The following VPS13D variants were observed in gnomAD, a reference collection of about 807,000 sequenced individuals.
VPS13D encodes vacuolar protein sorting 13 homolog D.
A neutral mutation model predicts 461.9 loss-of-function variants in VPS13D; 187 were observed. The ratio of observed to expected loss-of-function variants is 0.40; its 90% CI spans 0.36 to 0.46. The LOEUF (loss-of-function observed/expected upper bound fraction) is 0.46. Among genes scored for constraint, VPS13D ranks in the 20% least tolerant of loss-of-function variants. The pLI is 0.60. For synonymous variants in VPS13D, 1,951 were observed against 1,986.3 expected, an observed-to-expected ratio of 0.98 and a Z score of 0.47; for missense variants, 4,711 against 5,364.9, an observed-to-expected ratio of 0.88 and a Z score of 3.81.
At chr1:12,370,941 G>T (rs1479938644) in intron 54 of VPS13D, among the ~76,000 whole-genome samples, 1 of 152,174 alleles carries the variant, frequency 6.6e-6, no homozygotes, top group East Asian at 1.9e-4. Flanking sequence ...AGCAGAATTA[G>T]AATAATCTTG....
At chr1:12,274,317 G>A (rs1641543757) in intron 18 of VPS13D, among the ~76,000 whole-genome samples, 2 of 152,210 alleles carry the variant, frequency 1.3e-5, no homozygotes, top group South Asian at 4.1e-4. Flanking sequence ...TGGGATTATA[G>A]GCGTGAGCCA....
chr1:12,474,219 T>C (rs1445460173), intron 67 of VPS13D, among the ~76,000 whole-genome samples: 1 of 152,168 alleles, frequency 6.6e-6, no homozygotes, highest in African/African-American at 2.4e-5. Flanking sequence ...CTGTAACAGC[T>C]GATAAACTGT....
chr1:12,312,260 T>A (rs958567189), intron 29 of VPS13D, among the ~76,000 whole-genome samples: 2 of 152,174 alleles, frequency 1.3e-5, no homozygotes, highest in Admixed American at 1.3e-4. Context: ...GCAGCTAGTG[T>A]TTTGATGTGC....
At chr1:12,437,453 C>T (rs1481791631) in intron 65 of VPS13D, among the ~76,000 whole-genome samples, 1 of 152,176 alleles carries the variant, frequency 6.6e-6, no homozygotes, top group East Asian at 1.9e-4. Flanking sequence ...CCCCAAACCA[C>T]ATTTTGGGAA....
At chr1:12,498,592 T>C (rs1645991982) in intron 68 of VPS13D, among the ~76,000 whole-genome samples, 1 of 152,226 alleles carries the variant, frequency 6.6e-6, no homozygotes, top group Non-Finnish European at 1.5e-5. Context: ...AGAAGGTCTC[T>C]TGAAGATGGA....
At chr1:12,318,361 A>G in intron 31 of VPS13D, 24 bp downstream of exon 31, 1 of 1,591,452 alleles carries the variant, frequency 6.3e-7, no homozygotes, top group Non-Finnish European at 8.6e-7. Context: ...GGTGTGATTC[A>G]TTGGTGCTTA....
rs189473805 is a variant in VPS13D, at chr1:12,419,657, G to T, written c.12333+2830G>T. ...TGCTCAATATCATGAACACCAAGGG[G>T]ATGGTACTAATCCATTCATAAGAAA... is the stretch of plus-strand genomic sequence containing the variant. On this transcript the variant is annotated intron_variant, in intron 65 of 69. Coordinates refer to ENST00000620676, the MANE Select transcript of VPS13D (RefSeq NM_015378.4). Among the ~76,000 whole-genome samples, 202 of 152,208 alleles carry T rather than the reference G, an allele frequency of 1.3e-3. 2 individuals are homozygous for T. The highest frequency in any genetic ancestry group is 1.6e-4 in the Non-Finnish European group (11 of 68,006).
chr1:12,396,858 G>A (rs1464051222), intron 60 of VPS13D, among the ~76,000 whole-genome samples: 1 of 152,102 alleles, frequency 6.6e-6, no homozygotes, highest in East Asian at 1.9e-4. Flanking sequence ...ACCTTACAGA[G>A]ACAATTCAAG....
At chr1:12,320,272 T>C (rs997632280) in intron 32 of VPS13D, among the ~76,000 whole-genome samples, 2 of 152,234 alleles carry the variant, frequency 1.3e-5, no homozygotes, top group African/African-American at 2.4e-5. Context: ...AAAAGTGCTT[T>C]GTCTCTTGTT....
At position 12,260,929 on chromosome 1, in the gene VPS13D, T is replaced by C; in HGVS notation, c.1213-19T>C. ...TTTATCTTTGAGTACTCATCTCTGC[T>C]CCTTTGTGATTGACACAGAGTCTGC... On this transcript the variant is annotated intron_variant, in intron 11 of 69. Transcript: ENST00000620676. 6.2e-7 allele frequency: 1 copy of C among 1,614,122 alleles called. No homozygotes were observed. Among genetic ancestry groups the C allele is most frequent in the Non-Finnish European group, 8.5e-7 (1 of 1,179,996 alleles).
At chr1:12,469,526 T>G (rs1344666432) in intron 67 of VPS13D, among the ~76,000 whole-genome samples, 2 of 152,240 alleles carry the variant, frequency 1.3e-5, no homozygotes. Context: ...CTGGTTAATT[T>G]TTTTGACAAG....
chr1:12,267,807 C>G, intron 14 of VPS13D, 38 bp from the exon 15 acceptor site: 9 of 1,593,348 alleles, frequency 5.6e-6, no homozygotes, highest in Non-Finnish European at 7.8e-6. Context: ...TCCCCTCTCA[C>G]GCTGACGTTT....
intron 25 of VPS13D, among the ~76,000 whole-genome samples, chr1:12,304,122 C>T (rs770202900): frequency 3.3e-5 from 5 of 152,172 alleles, no homozygotes; most frequent in Admixed American, 6.5e-5. Flanking sequence ...CAATATGCCC[C>T]TCCCCAAAAG....
chr1:12,483,136 A>G (rs1388803438), intron 67 of VPS13D, among the ~76,000 whole-genome samples: 2 of 152,160 alleles, frequency 1.3e-5, no homozygotes, highest in Non-Finnish European at 2.9e-5. Context: ...AGGGAGTTGA[A>G]ACAATTTGTA....
chr1:12,448,249 A>G (rs1570191498), intron 65 of VPS13D, among the ~76,000 whole-genome samples: 1 of 152,300 alleles, frequency 6.6e-6, no homozygotes, highest in African/African-American at 2.4e-5. Context: ...GAAATAAGTT[A>G]TCTGCCAAAT....
chr1:12,432,056 A>G (rs145275690), intron 65 of VPS13D, among the ~76,000 whole-genome samples: 6 of 152,270 alleles, frequency 3.9e-5, no homozygotes, highest in Admixed American at 3.3e-4. Context: ...TTTTCTCTGT[A>G]TGTTGTTAGA....
At chr1:12,272,016 A>T (rs1357424612) in intron 17 of VPS13D, among the ~76,000 whole-genome samples, 5 of 152,158 alleles carry the variant, frequency 3.3e-5, no homozygotes, top group Admixed American at 3.3e-4. Flanking sequence ...ACATAGTGAG[A>T]CCTTGTCTCT....
Position 12,256,482 on chromosome 1 carries a change from C to T in VPS13D, c.819C>T (p.Thr273=). 1.2e-5 allele frequency: 19 copies of T among 1,614,038 alleles called. No individual in the cohort carries two copies. Among genetic ancestry groups the T allele is most frequent in the East Asian group, 2.2e-5 (1 of 44,884 alleles). Reference sequence around the variant, plus strand: ...TTGATTGTGATATTCAGCTGGAGACCATTCCCTTGAAACTCTCTCAGGTAT... The same window carrying T: ...TTGATTGTGATATTCAGCTGGAGACTATTCCCTTGAAACTCTCTCAGGTAT... ...PRIDCDIQLE[T]IPLKLSQLQY... Residue 273 remains threonine (T), a synonymous_variant, in exon 8 of 70, where the codon ACC becomes ACT. Coordinates refer to ENST00000620676, the MANE Select transcript of VPS13D (RefSeq NM_015378.4).
intron 64 of VPS13D, among the ~76,000 whole-genome samples, chr1:12,415,646 A>G (rs1455545355): frequency 1.3e-5 from 2 of 151,096 alleles, no homozygotes. Flanking sequence ...TTTTGTATTT[A>G]TTATCCAGAC....
Sources: allele counts gnomAD v4.1 joint callset (sites outside exome capture counted in the v4.1 genomes callset), GRCh38; gene constraint gnomAD v4.1.1; transcripts MANE v1.5; gene names NCBI Gene and HGNC (gene_info 2026-07-23, HGNC 2026-07-21).